Variants in LAMA5 observed in about 807,000 individuals in gnomAD.
LAMA5 encodes the protein laminin subunit alpha 5, also known as laminin subunit alpha-5.
LAMA5 carries 260 observed loss-of-function variants against 433.4 expected under a neutral mutation model. The observed-to-expected ratio is 0.60, with a 90% CI of 0.54 to 0.66. The LOEUF (loss-of-function observed/expected upper bound fraction) is 0.66, where lower values mean the gene tolerates loss of function less well. Among genes scored for constraint, LAMA5 ranks in the 30% least tolerant of loss-of-function variants. The probability of loss-of-function intolerance (pLI) is 0.00; values close to 1 mark genes in which losing one functional copy is unlikely to be tolerated. For synonymous variants in LAMA5, 2,620 were observed against 2,226.6 expected (o/e 1.18, Z -4.97); for missense variants, 5,378 against 5,258.5 (o/e 1.02, Z -0.70).
rs960065067 is a variant in LAMA5, at chr20:62,316,070, G to A, written c.7757-12C>T. 3.2e-6 allele frequency: 5 copies of A among 1,582,636 alleles called. No homozygotes were observed. Among genetic ancestry groups the A allele is most frequent in the African/African-American group, 1.3e-5 (1 of 74,456 alleles). On this transcript the variant is annotated splice_polypyrimidine_tract_variant and intron_variant, in intron 57 of 79. Coordinates refer to ENST00000252999, the MANE Select transcript of LAMA5 (RefSeq NM_005560.6). ...GAGGGCAGCCCACACTGCGGGGGAG[G>A]CAGCTTCAGCTCCCAGGCAGCTTCA...
chr20:62,355,249 GGA>G (rs995583615), intron 2 of LAMA5: 28 of 152,398 alleles, frequency 1.8e-4, no homozygotes, highest in Admixed American at 1.8e-3. Context: ...CCACTCCTCC[GGA>G]GAGTTTCTCC....
intron 17 of LAMA5, 27 bp downstream of exon 17, chr20:62,336,707 C>G (rs764620372): frequency 6.2e-6 from 10 of 1,612,448 alleles, no homozygotes; most frequent in Non-Finnish European, 8.5e-6. Context: ...TCACCCATCT[C>G]CCACACACGA....
At chr20:62,330,966 A>T in intron 29 of LAMA5, 22 bp from the exon 30 acceptor site, 1 of 1,556,032 alleles carries the variant, frequency 6.4e-7, no homozygotes, top group Non-Finnish European at 8.7e-7. Context: ...ACAGTGGGTG[A>T]GTCAGAGCCG....
chr20:62,348,935 C>A (rs894288105), intron 6 of LAMA5, among the ~76,000 whole-genome samples: 2 of 152,026 alleles, frequency 1.3e-5, no homozygotes, highest in Non-Finnish European at 1.5e-5. Context: ...GGAAAGGGAG[C>A]CAACAGTCAG....
At position 62,328,401 on chromosome 20, in the gene LAMA5, A is replaced by T; in HGVS notation, c.4492T>A (p.Cys1498Ser). ...ARLCDELTGQ[C>S]ICPPRTIPPD... is the part of the protein sequence containing the mutation. ...GGGATGGTGCGTGGCGGGCAGATGCACTGGCCCGTGAGCTCGTCACAGAGG... is the reference window on the plus strand; with the variant it reads ...GGGATGGTGCGTGGCGGGCAGATGCTCTGGCCCGTGAGCTCGTCACAGAGG... The change falls in exon 35 of 80, where the codon TGC becomes AGC. Residue 1498 changes from cysteine (C) to serine (S), a missense_variant. Cys to Ser is a moderately radical substitution (Grantham distance 112). Transcript: ENST00000252999. The T allele has an allele frequency of 3.9e-6, 6 of 1,545,338 alleles. No homozygotes were observed. The highest frequency in any genetic ancestry group is 5.3e-6 in the Non-Finnish European group (6 of 1,142,706).
In LAMA5 at chr20:62,348,300, G is replaced by T. The variant is rs138325396; in HGVS notation, c.957-1272C>A. ...AAGCCAGGGAAGAATGTTAAAAATG[G>T]TCATAAAGAAATCTAAAACATAGGC... On this transcript the variant is annotated intron_variant, in intron 6 of 79. Coordinates refer to ENST00000252999, the MANE Select transcript of LAMA5 (RefSeq NM_005560.6). Among the ~76,000 whole-genome samples, 591 of 152,276 alleles carry T rather than the reference G, an allele frequency of 3.9e-3. 17 individuals are homozygous for T. Among genetic ancestry groups the T allele is most frequent in the Admixed American group, 0.033 (497 of 15,292 alleles).
rs201092364 is a variant in LAMA5 at position 62,312,563 on chromosome 20, G to A, written c.9228-31C>T. On this transcript the variant is annotated intron_variant, in intron 67 of 79. Coordinates refer to ENST00000252999, the MANE Select transcript of LAMA5 (RefSeq NM_005560.6). ...GGGAAGCGGGGATGCGGGTCAGGGC[G>A]CCACCTCCAAGCCCAGCCTACCGCC... is the stretch of plus-strand genomic sequence containing the variant. 41 of 1,598,622 alleles carry A rather than the reference G, an allele frequency of 2.6e-5. No individual in the cohort carries two copies. The East Asian group carries it at 7.2e-4, about 28-fold the overall frequency.
In LAMA5 at chr20:62,314,671, G is replaced by A. The variant is rs201130283; in HGVS notation, c.8251C>T (p.Arg2751Trp). The A allele has an allele frequency of 1.6e-4, 261 of 1,612,584 alleles. 2 individuals are homozygous for A. In the East Asian group the frequency reaches 3.7e-3, roughly 23 times the overall value. ...GRSGVQLRTP[R>W]DLADLAAYTA... The stretch of plus-strand genomic sequence containing the variant: ...TAGGCAGCAAGGTCGGCAAGATCCC[G>A]TGGGGTGCGCAGCTGCACCCCTGAG... Residue 2751 changes from arginine to tryptophan, a missense_variant, in exon 61 of 80, where the codon CGG becomes TGG. By Grantham distance (101) the Arg-to-Trp change is moderately radical. Transcript: ENST00000252999.
intron 7 of LAMA5, 54 bp downstream of exon 7, chr20:62,346,859 C>T (rs1489029022): frequency 1.2e-6 from 2 of 1,606,806 alleles, no homozygotes; most frequent in East Asian, 2.2e-5. Context: ...CACCGGGGCC[C>T]TCTCATGGGC....
intron 18 of LAMA5, among the ~76,000 whole-genome samples, chr20:62,335,544 T>C (rs1601363890): frequency 5.0e-5 from 5 of 100,494 alleles, no homozygotes; most frequent in East Asian, 3.0e-4. Context: ...TAGAGCACAC[T>C]CAGACTCCAG....
At chr20:62,340,486 T>C (rs1982432263) in intron 11 of LAMA5, among the ~76,000 whole-genome samples, 1 of 151,480 alleles carries the variant, frequency 6.6e-6, no homozygotes, top group South Asian at 2.1e-4. Flanking sequence ...TTATTTTGTA[T>C]TTTTAGTAGA....
rs746081241 is a variant in LAMA5 at position 62,313,072 on chromosome 20, G to T, written c.8955+16C>A. 1 of 1,607,792 alleles carries T rather than the reference G, an allele frequency of 6.2e-7. No individual in the cohort carries two copies. Among genetic ancestry groups the T allele is most frequent in the South Asian group, 1.1e-5 (1 of 90,760 alleles). ...CAGTGCAAGTGGGGATGGCAGGACG[G>T]GTGTGCCTGGCGCACCTGCTGCTTC... is the stretch of plus-strand genomic sequence containing the variant. On this transcript the variant is annotated intron_variant, in intron 65 of 79. Coordinates refer to ENST00000252999, the MANE Select transcript of LAMA5 (RefSeq NM_005560.6).
At chr20:62,323,738 C>T (rs1276145233) in intron 44 of LAMA5, 38 bp downstream of exon 44, 1 of 1,597,022 alleles carries the variant, frequency 6.3e-7, no homozygotes, top group Admixed American at 1.7e-5. Flanking sequence ...CTGGGGTCAG[C>T]ACTCAGGCCC....
chr20:62,327,195 C>A, intron 38 of LAMA5, 38 bp downstream of exon 38: 3 of 1,462,038 alleles, frequency 2.1e-6, no homozygotes, highest in East Asian at 2.4e-5. Context: ...TCCTGGCCAT[C>A]CTCAAAGTGC....
In LAMA5 at chr20:62,351,207, G is replaced by C. The variant is rs1004789101; in HGVS notation, c.956+497C>G. 3 of 190,240 alleles carry C rather than the reference G, an allele frequency of 1.6e-5. No individual in the cohort carries two copies. In the South Asian group the frequency reaches 3.5e-4, roughly 22 times the overall value. The allele number at this position is 190,240 out of a possible 1,614,324, so 11.8% of individuals were successfully genotyped here. On this transcript the variant is annotated intron_variant, in intron 6 of 79. Coordinates refer to ENST00000252999, the MANE Select transcript of LAMA5 (RefSeq NM_005560.6). ...CCCTGCTTGACTGGAGTGAAGGTCAGGGCTGGGGCAGCAGGGAAGTTGTCT... is the reference window on the plus strand; with the variant it reads ...CCCTGCTTGACTGGAGTGAAGGTCACGGCTGGGGCAGCAGGGAAGTTGTCT...
rs1105019 is a variant in LAMA5, at chr20:62,334,462, G to T, written c.2582+60C>A. The T allele has an allele frequency of 0.86, 1,299,799 of 1,516,354 alleles. 567,077 individuals carry two copies. Among genetic ancestry groups the T allele is most frequent in the East Asian group, 0.95 (38,555 of 40,528 alleles). The allele number at this position is 1,516,354 out of a possible 1,614,324, so 93.9% of individuals were successfully genotyped here. A position where few individuals can be genotyped will look rare whatever the true frequency, so the allele number is the denominator to read the frequency against. On this transcript the variant is annotated intron_variant, in intron 21 of 79. Coordinates refer to ENST00000252999, the MANE Select transcript of LAMA5 (RefSeq NM_005560.6). The stretch of plus-strand genomic sequence containing the variant: ...GGGCCCATGGTGAGGGACACGGAGA[G>T]GCCCGGAGGACAAGCTGCCTGCCCC...
Position 62,362,451 on chromosome 20 carries a change from C to G in LAMA5, c.399G>C (p.Leu133=), listed in dbSNP as rs765318443. The change falls in exon 2 of 80, where the codon CTG becomes CTC. Residue 133 remains leucine (L), a synonymous_variant. Transcript: ENST00000252999. The part of the protein sequence containing the change: ...GTERWWQSPP[L]SRGLEYNEVN... ...CCTCGTTGTACTCCAGGCCGCGGGA[C>G]AGCGGTGGACTCTGCCACCAGCGCT... 8 of 1,594,066 alleles carry G rather than the reference C, an allele frequency of 5.0e-6. No individual in the cohort carries two copies. The highest frequency in any genetic ancestry group is 6.8e-6 in the Non-Finnish European group (8 of 1,167,962).
chr20:62,359,355 G>A lies in LAMA5; in HGVS notation c.450+3045C>T, dbSNP rs756333393. Among the ~76,000 whole-genome samples, 4 of 152,294 alleles carry A rather than the reference G, an allele frequency of 2.6e-5. No homozygotes were observed. The highest frequency in any genetic ancestry group is 2.1e-4 in the South Asian group (1 of 4,830). ...TACAACCTGGGCCCGCTGGGCTAGC[G>A]TGCTGGTGTAGTGGGGCAAGGGCCT... On this transcript the variant is annotated intron_variant, in intron 2 of 79. Coordinates refer to ENST00000252999, the MANE Select transcript of LAMA5 (RefSeq NM_005560.6). This position sits in a 1 kb window ranked among gnomAD's most constrained non-coding sequence, Gnocchi z 4.3.
In LAMA5 at chr20:62,311,216, C is replaced by A. The variant is rs112963711; in HGVS notation, c.10034G>T (p.Gly3345Val). ...AAACTCCAGGTGACTGGACAGGGAA[C>A]CCCCAAACTGGTAGGAGTCTCGGGT... ...RTTRDSYQFG[G>V]SLSSHLEFVG... The change falls in exon 73 of 80, where the codon GGT becomes GTT. Residue 3345 changes from glycine (G) to valine (V), a missense_variant. Transcript: ENST00000252999. 7.6e-4 allele frequency: 1,228 copies of A among 1,610,300 alleles called. 1 individual carries two copies. The highest frequency in any genetic ancestry group is 9.9e-4 in the South Asian group (90 of 90,876).
Sources: allele counts gnomAD v4.1 joint callset (sites outside exome capture counted in the v4.1 genomes callset), GRCh38; gene constraint gnomAD v4.1.1; non-coding constraint Gnocchi (gnomAD v3.1); transcripts MANE v1.5; gene names NCBI Gene and HGNC (gene_info 2026-07-23, HGNC 2026-07-21).